Variants in HNRNPUL1 observed in about 807,000 individuals in gnomAD.
HNRNPUL1 encodes heterogeneous nuclear ribonucleoprotein U like 1.
HNRNPUL1 carries 14 observed loss-of-function variants against 108.5 expected under a neutral mutation model. The observed-to-expected ratio is 0.13, with a 90% CI of 0.09 to 0.20. The LOEUF (loss-of-function observed/expected upper bound fraction) is 0.20, where lower values mean the gene tolerates loss of function less well. Among genes scored for constraint, HNRNPUL1 ranks in the 10% least tolerant of loss-of-function variants. The pLI, the probability that HNRNPUL1 is intolerant of heterozygous loss-of-function variation, is 1.00. For missense variants in HNRNPUL1, 804 were observed against 1,168.3 expected, an observed-to-expected ratio of 0.69 and a Z score of 4.55; for synonymous variants, 422 against 445.2, an observed-to-expected ratio of 0.95 and a Z score of 0.66.
intron 7 of HNRNPUL1, among the ~76,000 whole-genome samples, chr19:41,288,750 G>T (rs1362554549): frequency 1.3e-5 from 2 of 152,048 alleles, no homozygotes; most frequent in Non-Finnish European, 2.9e-5. Flanking sequence ...CTTTAATTTA[G>T]CCCGTCTTCC....
rs767800141 is a variant in HNRNPUL1, at chr19:41,264,779, C to T, written c.276C>T (p.Tyr92=). ...GLQPHAEPGG[Y]SGPDGHYAMD... is the part of the protein sequence containing the mutation. ...AGCCGCACGCGGAGCCCGGCGGCTA[C>T]TCGGGGCCGGACGGACATTGTGAGA... The change falls in exon 1 of 15, where the codon TAC becomes TAT. Residue 92 remains tyrosine, a synonymous_variant. Coordinates refer to ENST00000392006, the MANE Select transcript of HNRNPUL1 (RefSeq NM_007040.6). 23 of 1,369,104 alleles carry T rather than the reference C, an allele frequency of 1.7e-5. No homozygotes were observed. The East Asian group carries it at 4.4e-4, about 26-fold the overall frequency. 84.8% of individuals were successfully genotyped at this position (1,369,104 alleles called of 1,614,324 possible).
intron 6 of HNRNPUL1, among the ~76,000 whole-genome samples, chr19:41,280,360 C>T (rs1179451523): frequency 6.6e-6 from 1 of 151,822 alleles, no homozygotes; most frequent in Non-Finnish European, 1.5e-5. Context: ...AAATTGGTAC[C>T]TCCTCAAAAA....
chr19:41,264,313 T>G, upstream of HNRNPUL1: 1 of 453,008 alleles, frequency 2.2e-6, no homozygotes, highest in Non-Finnish European at 3.7e-6. Flanking sequence ...CACTGACCAA[T>G]TGGCACTCAT....
At position 41,292,938 on chromosome 19, in the gene HNRNPUL1, A is replaced by G. The variant is rs2036674944; in HGVS notation, c.1266+427A>G. ...CGGCTTACTGCAGCCTTGACCTTCC[A>G]GGCTCAAGTGATCCTCCCACCTCAG... is the stretch of plus-strand genomic sequence containing the variant. On this transcript the variant is annotated intron_variant, in intron 8 of 14. Coordinates refer to ENST00000392006, the MANE Select transcript of HNRNPUL1 (RefSeq NM_007040.6). This position sits in a 1 kb window ranked among gnomAD's most constrained non-coding sequence, Gnocchi z 4.1. Among the ~76,000 whole-genome samples, 1 of 151,880 alleles carries G rather than the reference A, an allele frequency of 6.6e-6. No individual in the cohort carries two copies. The highest frequency in any genetic ancestry group is 2.1e-4 in the South Asian group (1 of 4,824).
At chr19:41,266,370 T>C (rs1387019243) in intron 1 of HNRNPUL1, among the ~76,000 whole-genome samples, 1 of 151,432 alleles carries the variant, frequency 6.6e-6, no homozygotes, top group African/African-American at 2.4e-5. Context: ...GAGGGGGAGG[T>C]TGCAGTCAGC....
At chr19:41,303,437 TC>T (rs1265348636) in intron 12 of HNRNPUL1, among the ~76,000 whole-genome samples, 2 of 147,266 alleles carry the variant, frequency 1.4e-5, no homozygotes, top group Non-Finnish European at 3.0e-5. Context: ...CACTGCAACC[TC>T]TGCCTCCCGG....
At chr19:41,265,425 GGCTAGT>G in intron 1 of HNRNPUL1, 1 of 1,438,606 alleles carries the variant, frequency 7.0e-7, no homozygotes, top group Non-Finnish European at 9.2e-7. Context: ...TTTGGAGTTT[GGCTAGT>G]GAGCATTTAG....
intron 11 of HNRNPUL1, among the ~76,000 whole-genome samples, chr19:41,302,214 G>GTTTTTTTTTTT (rs58368849): frequency 2.2e-5 from 2 of 92,430 alleles, no homozygotes; most frequent in African/African-American, 4.6e-5. Context: ...CTCTCTCTCT[G>GTTTTTTTTTTT]TTTTTTTTTT....
intron 7 of HNRNPUL1, among the ~76,000 whole-genome samples, chr19:41,283,982 A>T (rs1159624245): frequency 6.6e-6 from 1 of 152,226 alleles, no homozygotes; most frequent in Non-Finnish European, 1.5e-5. Flanking sequence ...GCAAGTTTCT[A>T]CTTAAAACAC....
chr19:41,281,028 T>A, intron 6 of HNRNPUL1, 135 bp from the exon 7 acceptor site: 1 of 619,200 alleles, frequency 1.6e-6, no homozygotes, highest in Non-Finnish European at 2.9e-6. Flanking sequence ...CCCACCCCTA[T>A]TTTAAAAAGG....
chr19:41,305,619 C>T (rs1285302839), intron 13 of HNRNPUL1, 57 bp from the exon 14 acceptor site: 2 of 1,607,200 alleles, frequency 1.2e-6, no homozygotes, highest in Non-Finnish European at 8.5e-7. Context: ...CAGCATTTCA[C>T]ATCTGCAGAT....
At chr19:41,287,023 G>A (rs1172932606) in intron 7 of HNRNPUL1, among the ~76,000 whole-genome samples, 2 of 150,848 alleles carry the variant, frequency 1.3e-5, no homozygotes, top group African/African-American at 2.4e-5. Flanking sequence ...CAGTCGGTGT[G>A]TACCCTTTTT....
At chr19:41,279,434 T>G (rs190813783) in intron 6 of HNRNPUL1, among the ~76,000 whole-genome samples, 1 of 152,360 alleles carries the variant, frequency 6.6e-6, no homozygotes, top group African/African-American at 2.4e-5. Flanking sequence ...CAAAATTCTC[T>G]TTAGGAATCT....
chr19:41,270,229 C>T (rs1043816843), intron 2 of HNRNPUL1, among the ~76,000 whole-genome samples: 11 of 151,872 alleles, frequency 7.2e-5, no homozygotes, highest in African/African-American at 9.7e-5. Flanking sequence ...GTGATCCGCC[C>T]GCCTCAGCCT....
intron 13 of HNRNPUL1, 41 bp from the exon 14 acceptor site, chr19:41,305,635 C>G: frequency 1.2e-6 from 2 of 1,613,170 alleles, no homozygotes; most frequent in African/African-American, 1.3e-5. Flanking sequence ...CAGATTTCCT[C>G]TATTTCACAG....
At chr19:41,277,804 G>A (rs1268795918) in intron 5 of HNRNPUL1, among the ~76,000 whole-genome samples, 3 of 152,150 alleles carry the variant, frequency 2.0e-5, no homozygotes, top group East Asian at 3.9e-4. Context: ...GCCGCACCCA[G>A]CATACGCAGT....
chr19:41,294,076 G>T lies in HNRNPUL1; in HGVS notation c.1267-262G>T, dbSNP rs975008262. Among the ~76,000 whole-genome samples the T allele has an allele frequency of 6.6e-6, 1 of 152,164 alleles. No individual in the cohort carries two copies. The highest frequency in any genetic ancestry group is 2.1e-4 in the South Asian group (1 of 4,820). On this transcript the variant is annotated intron_variant, in intron 8 of 14. Transcript: ENST00000392006. The surrounding 1 kb of genome is among the most constrained non-coding windows in gnomAD (Gnocchi z 4.3). The stretch of plus-strand genomic sequence containing the variant: ...TTTTTGTTTTTGTTTTCCCCCGAAA[G>T]TCCTGGGATTATAGGCGTGAGCTAC...
chr19:41,265,285 G>A (rs2034756328), intron 1 of HNRNPUL1: 1 of 1,523,984 alleles, frequency 6.6e-7, no homozygotes, highest in Non-Finnish European at 8.8e-7. Flanking sequence ...CGAGAGTTCT[G>A]AGGAAGGAGG....
intron 2 of HNRNPUL1, 135 bp downstream of exon 2, chr19:41,268,480 C>G (rs1271624520): frequency 1.1e-5 from 10 of 918,292 alleles, no homozygotes; most frequent in Non-Finnish European, 1.6e-5. Flanking sequence ...CATTGTCACT[C>G]TGGCAAGAAT....
Sources: gnomAD v4.1 joint callset for allele counts (sites outside exome capture counted in the v4.1 genomes callset) on GRCh38, gnomAD v4.1.1 for gene constraint, Gnocchi (gnomAD v3.1) non-coding constraint, MANE v1.5 for transcripts, NCBI Gene and HGNC (gene_info 2026-07-23, HGNC 2026-07-21) for gene names.